RABGAP1: variants seen among roughly 807,000 people sequenced by gnomAD.
RABGAP1 encodes RAB GTPase activating protein 1.
Under a neutral mutation model 137.6 loss-of-function variants are expected in RABGAP1, and 23 were observed. The ratio of observed to expected loss-of-function variants is 0.17; its 90% CI spans 0.12 to 0.24. The LOEUF is 0.24. Among genes scored for constraint, RABGAP1 ranks in the 10% least tolerant of loss-of-function variants. The pLI is 1.00. For missense variants in RABGAP1, 906 were observed against 1,275.8 expected (o/e 0.71, Z 4.42); for synonymous variants, 451 against 450.7 (o/e 1.00, Z -0.01).
chr9:122,959,525 T>G (rs1007823896), intron 2 of RABGAP1, among the ~76,000 whole-genome samples: 1 of 152,086 alleles, frequency 6.6e-6, no homozygotes, highest in African/African-American at 2.4e-5. Flanking sequence ...AATAAAACAT[T>G]TAAGGTCTCT....
At position 122,941,107 on chromosome 9, in the gene RABGAP1, T is replaced by TCCC. The variant is rs1272674028; in HGVS notation, c.-50+16_-50+18dup. The TCCC allele has an allele frequency of 6.6e-6, 1 of 152,152 alleles. No homozygotes were observed. Among genetic ancestry groups the TCCC allele is most frequent in the East Asian group, 1.9e-4 (1 of 5,160 alleles). The allele number at this position is 152,152 out of a possible 1,614,324, so 9.4% of individuals were successfully genotyped here. ...ACGGCAGGTCGGGTAGGGCCGTGTT[T>TCCC]CCCCTCCTCCTCCTCCCACCCTCCT... On this transcript the variant is annotated intron_variant, in intron 1 of 25. Transcript: ENST00000373647.
At chr9:123,011,031 TATTGA>T (rs1218516560) in intron 11 of RABGAP1, among the ~76,000 whole-genome samples, 1 of 151,918 alleles carries the variant, frequency 6.6e-6, no homozygotes, top group Admixed American at 6.5e-5. Context: ...TGGCTAAATC[TATTGA>T]ATTAATCTGT....
At chr9:123,051,179 C>T (rs1171475507) in intron 13 of RABGAP1, among the ~76,000 whole-genome samples, 3 of 73,866 alleles carry the variant, frequency 4.1e-5, no homozygotes, top group African/African-American at 1.4e-4. Context: ...TGTGCCTTTT[C>T]TTTGAGGAGC....
chr9:122,953,203 A>T (rs1009815323), intron 1 of RABGAP1, among the ~76,000 whole-genome samples: 7 of 152,238 alleles, frequency 4.6e-5, no homozygotes, highest in Non-Finnish European at 7.3e-5. Flanking sequence ...AATAACTGTT[A>T]AATTTTTTTG....
chr9:123,008,502 G>A (rs2030507950), intron 10 of RABGAP1, among the ~76,000 whole-genome samples: 1 of 145,876 alleles, frequency 6.9e-6, no homozygotes, highest in Non-Finnish European at 1.5e-5. Flanking sequence ...CCGAGATCAT[G>A]CCATTGCACT....
At chr9:123,065,880 A>T (rs1403840013) in intron 14 of RABGAP1, among the ~76,000 whole-genome samples, 1 of 152,234 alleles carries the variant, frequency 6.6e-6, no homozygotes, top group African/African-American at 2.4e-5. Context: ...GCACTGCAGC[A>T]TAGTAAATGA....
chr9:122,967,198 C>T (rs555579211), intron 2 of RABGAP1, among the ~76,000 whole-genome samples: 10 of 152,230 alleles, frequency 6.6e-5, no homozygotes, highest in African/African-American at 2.2e-4. Flanking sequence ...AGATGCAGGC[C>T]TTGGGGATCC....
At chr9:123,001,947 G>A (rs959509630) in intron 10 of RABGAP1, among the ~76,000 whole-genome samples, 2 of 152,128 alleles carry the variant, frequency 1.3e-5, no homozygotes, top group Non-Finnish European at 2.9e-5. Context: ...GGTGAGCCCC[G>A]GGAGAAGAAC....
intron 13 of RABGAP1, chr9:123,062,113 C>G (rs960139237): frequency 6.6e-6 from 1 of 152,180 alleles, no homozygotes; most frequent in South Asian, 2.1e-4. Flanking sequence ...ACTAAAAATA[C>G]AAAAATTAGC....
chr9:123,085,281 A>G (rs1215139335), intron 19 of RABGAP1, among the ~76,000 whole-genome samples: 4 of 152,152 alleles, frequency 2.6e-5, no homozygotes, highest in Admixed American at 6.5e-5. Flanking sequence ...GCCCTCTGAA[A>G]TGGTATGTAG....
At chr9:122,996,229 T>G (rs1837015464) in intron 7 of RABGAP1, 78 bp downstream of exon 7, 3 of 1,485,034 alleles carry the variant, frequency 2.0e-6, no homozygotes, top group Non-Finnish European at 1.8e-6. Context: ...TACACTGTAT[T>G]AAAAAATGTA....
chr9:122,956,530 G>C (rs750435459), intron 1 of RABGAP1, among the ~76,000 whole-genome samples: 1 of 151,868 alleles, frequency 6.6e-6, no homozygotes, highest in Non-Finnish European at 1.5e-5. Flanking sequence ...GGCACCTGTA[G>C]TCCTAGCTAC....
intron 13 of RABGAP1, chr9:123,029,675 C>T (rs1254736235): frequency 1.6e-5 from 11 of 693,472 alleles, no homozygotes; most frequent in East Asian, 3.2e-5. Context: ...GCCTTGCCCC[C>T]GGGTTTGTTC....
intron 13 of RABGAP1, chr9:123,035,841 C>G (rs1391518574): frequency 3.2e-5 from 15 of 471,658 alleles, no homozygotes; most frequent in Non-Finnish European, 4.8e-5. Context: ...ATCATGAAGA[C>G]AAATTGCTCT....
intron 13 of RABGAP1, among the ~76,000 whole-genome samples, chr9:123,046,701 T>C (rs886118477): frequency 3.3e-5 from 5 of 152,152 alleles, no homozygotes; most frequent in African/African-American, 1.2e-4. Context: ...AATAGGGTAG[T>C]ATGGATGAAG....
At chr9:123,020,188 T>C (rs1412491537) in intron 12 of RABGAP1, 121 bp from the exon 13 acceptor site, 1 of 892,132 alleles carries the variant, frequency 1.1e-6, no homozygotes, top group Non-Finnish European at 1.5e-6. Flanking sequence ...TTTTTTCCCT[T>C]TATTACTTTG....
chr9:122,936,611 C>T (rs766857164), upstream of RABGAP1, among the ~76,000 whole-genome samples: 4 of 152,134 alleles, frequency 2.6e-5, no homozygotes, highest in Non-Finnish European at 5.9e-5. Flanking sequence ...GTGGGCGATA[C>T]GAACTTTGTC....
At chr9:122,955,591 T>C (rs1478735754) in intron 1 of RABGAP1, among the ~76,000 whole-genome samples, 1 of 152,200 alleles carries the variant, frequency 6.6e-6, no homozygotes, top group Non-Finnish European at 1.5e-5. Flanking sequence ...TTACTTCTCT[T>C]GGGGTTGCCA....
At chr9:123,097,936 G>C (rs1448792800) in intron 22 of RABGAP1, 91 bp downstream of exon 22, 1 of 1,039,386 alleles carries the variant, frequency 9.6e-7, no homozygotes, top group Non-Finnish European at 1.4e-6. Flanking sequence ...AGAAAACCTA[G>C]AGACATCTGG....
Sources: gnomAD v4.1 joint callset for allele counts (sites outside exome capture counted in the v4.1 genomes callset) on GRCh38, gnomAD v4.1.1 for gene constraint, MANE v1.5 for transcripts, NCBI Gene and HGNC (gene_info 2026-07-23, HGNC 2026-07-21) for gene names.